The following ZNF883 variants were observed in gnomAD, a reference collection of about 807,000 sequenced individuals.
The protein encoded by ZNF883 is zinc finger protein 883.
intron 2 of ZNF883, among the ~76,000 whole-genome samples, chr9:113,003,360 G>A (rs1828444776): frequency 1.3e-5 from 2 of 152,074 alleles, no homozygotes; most frequent in African/African-American, 4.8e-5. Context: ...GCTGAACTGG[G>A]AGTCCATTAA....
rs2418243 is a variant in ZNF883 at position 113,006,897 on chromosome 9, T to A, written n.165+4244A>T. On this transcript the variant is annotated intron_variant and non_coding_transcript_variant, in intron 2 of 4. Transcript: ENST00000638622. ...TCTGAGCAAAGACTATGGTAATTTT[T>A]TAAAAAAAAAAATCTTGGCTGGGCA... Among the ~76,000 whole-genome samples the A allele has an allele frequency of 1.2e-3, 101 of 82,270 alleles. 4 individuals carry two copies. The South Asian group carries it at 0.042, about 34-fold the overall frequency. The allele number at this position is 82,270 out of a possible 152,430, so 54.0% of individuals were successfully genotyped here. A position where few individuals can be genotyped will look rare whatever the true frequency, so the allele number is the denominator to read the frequency against.
Position 113,004,580 on chromosome 9 carries a change from A to G in ZNF883, n.166-2507T>C, listed in dbSNP as rs377112584. 2.8e-3 allele frequency among the ~76,000 whole-genome samples: 429 copies of G among 152,126 alleles called. 1 individual carries two copies. Among genetic ancestry groups the G allele is most frequent in the African/African-American group, 1.0e-2 (413 of 41,476 alleles). On this transcript the variant is annotated intron_variant and non_coding_transcript_variant, in intron 2 of 4. Transcript: ENST00000638622. Reference sequence around the variant, plus strand: ...TTTCTCTTTGCCATGTGAGGAAACAATAAGATGGCCATCTGTAAACCAGGA... The same window carrying G: ...TTTCTCTTTGCCATGTGAGGAAACAGTAAGATGGCCATCTGTAAACCAGGA...
upstream of ZNF883, chr9:112,999,069 T>C (rs1181166475): frequency 1.3e-5 from 2 of 152,232 alleles, no homozygotes; most frequent in East Asian, 3.8e-4. Flanking sequence ...AGAAATTCTC[T>C]GCTTTGGAGT....
chr9:112,989,198 T>C (rs1337354658), intron 1 of ZNF883, among the ~76,000 whole-genome samples: 1 of 152,248 alleles, frequency 6.6e-6, no homozygotes, highest in Non-Finnish European at 1.5e-5. Flanking sequence ...CATGAAATCT[T>C]GCCTGTGCCT....
downstream of ZNF883, among the ~76,000 whole-genome samples, chr9:112,992,791 A>G (rs560229340): frequency 4.9e-4 from 74 of 151,848 alleles, no homozygotes; most frequent in Middle Eastern, 6.8e-3. Context: ...TTTTTCTCTA[A>G]TCTTGTCTGC....
chr9:112,997,479 C>T (rs371344233), exon 1 of ZNF883: 16 of 1,613,960 alleles, frequency 9.9e-6, no homozygotes, highest in Non-Finnish European at 1.4e-5. Flanking sequence ...GGCTTCTCTC[C>T]AGTATGAGTT....
chr9:112,996,973 G>A (rs982426525), downstream of ZNF883: 6 of 670,050 alleles, frequency 9.0e-6, no homozygotes, highest in African/African-American at 1.8e-5. Context: ...TATAAGCATA[G>A]TCCTTCTTCT....
chr9:112,997,124 TCTG>T (rs781670445), exon 1 of ZNF883: 7 of 1,592,772 alleles, frequency 4.4e-6, no homozygotes, highest in Non-Finnish European at 6.0e-6. Context: ...CACTCATTAC[TCTG>T]CTAAGGTTTC....
At chr9:112,998,059 T>C in exon 1 of ZNF883, 4 of 1,613,930 alleles carry the variant, frequency 2.5e-6, no homozygotes, top group Non-Finnish European at 3.4e-6. Flanking sequence ...ATTCATAAGG[T>C]TTCTCTCCAG....
At chr9:113,009,362 T>C (rs1828508806) in intron 2 of ZNF883, among the ~76,000 whole-genome samples, 1 of 152,124 alleles carries the variant, frequency 6.6e-6, no homozygotes. Flanking sequence ...CTGCTATCAC[T>C]CACCCCTCTC....
chr9:112,993,594 G>A (rs982036335), downstream of ZNF883, among the ~76,000 whole-genome samples: 1 of 152,238 alleles, frequency 6.6e-6, no homozygotes, highest in African/African-American at 2.4e-5. Context: ...GGTGTGCTAT[G>A]CTGGGTGGAA....
At chr9:112,989,847 C>A (rs1828284653) in intron 1 of ZNF883, among the ~76,000 whole-genome samples, 1 of 152,030 alleles carries the variant, frequency 6.6e-6, no homozygotes, top group South Asian at 2.1e-4. Flanking sequence ...CCCTTGTTAT[C>A]TGTATTCCTA....
intron 1 of ZNF883, among the ~76,000 whole-genome samples, chr9:113,011,464 C>T (rs1199621434): frequency 6.6e-6 from 1 of 152,206 alleles, no homozygotes; most frequent in Non-Finnish European, 1.5e-5. Flanking sequence ...GCACCGAGTG[C>T]ACCAGCTCCC....
downstream of ZNF883, among the ~76,000 whole-genome samples, chr9:112,994,345 A>G (rs941561089): frequency 6.7e-6 from 1 of 149,832 alleles, no homozygotes; most frequent in Admixed American, 6.7e-5. Flanking sequence ...CTCACTCTCC[A>G]TGGGTCATGC....
chr9:113,003,612 T>C (rs1473341802), intron 2 of ZNF883, among the ~76,000 whole-genome samples: 1 of 151,148 alleles, frequency 6.6e-6, no homozygotes, highest in East Asian at 1.9e-4. Flanking sequence ...AATGATGCTA[T>C]ATTTAAGGGA....
intron 2 of ZNF883, among the ~76,000 whole-genome samples, chr9:113,006,110 GAAACCAGCCT>G (rs1016150686): frequency 1.0e-5 from 1 of 97,386 alleles, no homozygotes; most frequent in African/African-American, 4.3e-5. Flanking sequence ...AAAAAAAAAA[GAAACCAGCCT>G]AAACCAGCTA....
chr9:112,997,734 A>T, exon 1 of ZNF883: 1 of 1,613,818 alleles, frequency 6.2e-7, no homozygotes, highest in Non-Finnish European at 8.5e-7. Context: ...TTTTCCTCAG[A>T]ATGAATTCCC....
downstream of ZNF883, among the ~76,000 whole-genome samples, chr9:112,993,504 T>C (rs373227748): frequency 3.3e-5 from 5 of 152,292 alleles, no homozygotes; most frequent in Non-Finnish European, 4.4e-5. Flanking sequence ...GTGACCTCTG[T>C]TGGGGAGATC....
chr9:112,995,431 C>T (rs865798617), downstream of ZNF883, among the ~76,000 whole-genome samples: 2 of 151,848 alleles, frequency 1.3e-5, no homozygotes, highest in Middle Eastern at 3.4e-3. Flanking sequence ...ATACACATCT[C>T]CTTCCTTCCT....
Sources: gnomAD v4.1 joint callset for allele counts (sites outside exome capture counted in the v4.1 genomes callset) on GRCh38, gnomAD v4.1.1 for gene constraint, MANE v1.5 for transcripts, NCBI Gene and HGNC (gene_info 2026-07-23, HGNC 2026-07-21) for gene names.